SOAT1: variants seen among roughly 807,000 people sequenced by gnomAD.
The protein encoded by SOAT1 is acyl-coenzyme A:cholesterol acyltransferase 1.
SOAT1 carries 55 observed loss-of-function variants against 69.5 expected under a neutral mutation model. The ratio of observed to expected loss-of-function variants is 0.79; its 90% CI spans 0.64 to 0.99. SOAT1 has a LOEUF of 0.99. SOAT1 is among the 50% of genes least tolerant of loss of function. The pLI, the probability that SOAT1 is intolerant of heterozygous loss-of-function variation, is 0.00. For synonymous variants in SOAT1, 231 were observed against 224.7 expected (o/e 1.03, Z -0.25); for missense variants, 580 against 669.3 (o/e 0.87, Z 1.47).
rs936983924 is a variant in SOAT1 at position 179,353,705 on chromosome 1, T to A, written c.*64T>A. On this transcript the variant is annotated 3_prime_UTR_variant, in exon 16 of 16. Coordinates refer to ENST00000367619, the MANE Select transcript of SOAT1 (RefSeq NM_003101.6). ...GGTAGCTCCCTGATTTGGAGCCAGCTGTTTCCAGTTGTTACTGAAGTTATC... is the reference window on the plus strand; with the variant it reads ...GGTAGCTCCCTGATTTGGAGCCAGCAGTTTCCAGTTGTTACTGAAGTTATC... 4 of 1,307,408 alleles carry A rather than the reference T, an allele frequency of 3.1e-6. No individual in the cohort carries two copies. Among genetic ancestry groups the A allele is most frequent in the Admixed American group, 1.7e-5 (1 of 57,374 alleles). The allele number at this position is 1,307,408 out of a possible 1,614,324, so 81.0% of individuals were successfully genotyped here.
chr1:179,354,603 C>G lies in SOAT1; in HGVS notation c.*962C>G, dbSNP rs1044925. 1 of 151,872 alleles carries G rather than the reference C, an allele frequency of 6.6e-6. No individual in the cohort carries two copies. The highest frequency in any genetic ancestry group is 1.5e-5 in the Non-Finnish European group (1 of 67,960). The allele number at this position is 151,872 out of a possible 1,614,324, so 9.4% of individuals were successfully genotyped here. Reference sequence around the variant, plus strand: ...TATTTTGCAGACTAGTGAGTCTGTACCATAAGTATTAATCACCTCCACTCA... The same window carrying G: ...TATTTTGCAGACTAGTGAGTCTGTAGCATAAGTATTAATCACCTCCACTCA... On this transcript the variant is annotated 3_prime_UTR_variant, in exon 16 of 16. Coordinates refer to ENST00000367619, the MANE Select transcript of SOAT1 (RefSeq NM_003101.6).
rs147517008 is a variant in SOAT1, at chr1:179,341,213, T to C, written c.683T>C (p.Met228Thr). ...IRSLFHGFLFMIFQIGVLGFG... is the reference protein window; with the variant it reads ...IRSLFHGFLFTIFQIGVLGFG... The stretch of plus-strand genomic sequence containing the variant: ...TCTCTCTTCCATGGCTTTCTTTTCA[T>C]GATCTTCCAGATTGGAGTTCTAGGT... Residue 228 changes from methionine (M) to threonine (T), a missense_variant, in exon 7 of 16, where the codon ATG (methionine) becomes ACG (threonine). Met to Thr is a moderately conservative substitution (Grantham distance 81). Transcript: ENST00000367619. The C allele has an allele frequency of 4.8e-5, 77 of 1,614,032 alleles. No individual in the cohort carries two copies. In the African/African-American group the frequency reaches 9.9e-4, roughly 21 times the overall value.
chr1:179,353,219 A>ATATAAATATATATATATTTATATATT (rs1666805465), intron 15 of SOAT1, among the ~76,000 whole-genome samples: 4 of 121,332 alleles, frequency 3.3e-5, no homozygotes, highest in South Asian at 2.4e-4. Context: ...ATATATATAT[A>ATATAAATATATATATATTTATATATT]TATATCTATT....
At chr1:179,308,894 T>C (rs1325184415) in intron 2 of SOAT1, among the ~76,000 whole-genome samples, 1 of 152,172 alleles carries the variant, frequency 6.6e-6, no homozygotes, top group Non-Finnish European at 1.5e-5. Flanking sequence ...TCAGATATCT[T>C]TTCATTTAGT....
rs574788070 is a variant in SOAT1, at chr1:179,341,377, T to C, written c.780+67T>C. ...TAAAATAATAATAATGATGATGACATACTGATACTATTATTTTTAGCTGTA... is the reference window on the plus strand; with the variant it reads ...TAAAATAATAATAATGATGATGACACACTGATACTATTATTTTTAGCTGTA... On this transcript the variant is annotated intron_variant, in intron 7 of 15. Transcript: ENST00000367619. 1.9e-5 allele frequency: 26 copies of C among 1,392,600 alleles called. No homozygotes were observed. The African/African-American group carries it at 2.4e-4, about 13-fold the overall frequency. 86.3% of individuals were successfully genotyped at this position (1,392,600 alleles called of 1,614,324 possible).
At chr1:179,306,659 C>T (rs1003222459) in intron 2 of SOAT1, among the ~76,000 whole-genome samples, 2 of 151,786 alleles carry the variant, frequency 1.3e-5, no homozygotes, top group East Asian at 1.9e-4. Context: ...GGTGAAACCC[C>T]GTCTCTACTA....
intron 10 of SOAT1, among the ~76,000 whole-genome samples, chr1:179,344,668 C>T (rs979008493): frequency 6.6e-6 from 1 of 152,108 alleles, no homozygotes; most frequent in African/African-American, 2.4e-5. Context: ...GCCACTGTGC[C>T]CGGCCATGTT....
At chr1:179,343,029 G>A (rs1296221594) in intron 9 of SOAT1, 86 bp downstream of exon 9, 7 of 980,532 alleles carry the variant, frequency 7.1e-6, no homozygotes, top group Non-Finnish European at 1.2e-5. Context: ...GCCAGTTCAT[G>A]TAGGGACATA....
chr1:179,327,147 A>G (rs1460663039), intron 3 of SOAT1, among the ~76,000 whole-genome samples: 5 of 152,220 alleles, frequency 3.3e-5, no homozygotes, highest in African/African-American at 1.2e-4. Flanking sequence ...GTTGTTGCTT[A>G]GCCTTATTGG....
Position 179,318,955 on chromosome 1 carries a change from T to G in SOAT1, c.119-4482T>G, listed in dbSNP as rs1174387998. Among the ~76,000 whole-genome samples, 4 of 152,204 alleles carry G rather than the reference T, an allele frequency of 2.6e-5. No homozygotes were observed. In the East Asian group the frequency reaches 5.8e-4, roughly 22 times the overall value. ...AGAGGGCATGTTTTTATTTCTCTTG[T>G]GTATATACCTAGTCCTAGGTCTTAT... On this transcript the variant is annotated intron_variant, in intron 2 of 15. Coordinates refer to ENST00000367619, the MANE Select transcript of SOAT1 (RefSeq NM_003101.6).
chr1:179,351,720 A>ATT (rs1558061106), intron 15 of SOAT1, among the ~76,000 whole-genome samples: 2 of 43,486 alleles, frequency 4.6e-5, no homozygotes, highest in African/African-American at 1.9e-4. Flanking sequence ...AGCCCCTTCT[A>ATT]ATTTTTTTTT....
intron 1 of SOAT1, among the ~76,000 whole-genome samples, chr1:179,295,805 AT>A (rs55761300): frequency 3.0e-4 from 39 of 130,344 alleles, no homozygotes; most frequent in African/African-American, 5.5e-4. Flanking sequence ...CGCCCGGCTA[AT>A]TTTTTTTTTT....
intron 1 of SOAT1, among the ~76,000 whole-genome samples, chr1:179,301,723 C>T (rs4333817): frequency 6.6e-6 from 1 of 152,176 alleles, no homozygotes; most frequent in Non-Finnish European, 1.5e-5. Context: ...CTTAAAGCAT[C>T]TGGCAGGGTC....
At chr1:179,327,829 A>G (rs1665843007) in intron 3 of SOAT1, among the ~76,000 whole-genome samples, 1 of 152,180 alleles carries the variant, frequency 6.6e-6, no homozygotes. Context: ...AAGTGATAAC[A>G]TGAGTGTGTT....
At chr1:179,351,021 C>CT (rs201449849) in intron 14 of SOAT1, among the ~76,000 whole-genome samples, 18 of 127,578 alleles carry the variant, frequency 1.4e-4, no homozygotes, top group South Asian at 2.5e-4. Context: ...ATATTTCTTT[C>CT]TTTTTTTTTT....
intron 2 of SOAT1, among the ~76,000 whole-genome samples, chr1:179,312,716 C>A (rs1219590150): frequency 6.6e-6 from 1 of 152,146 alleles, no homozygotes; most frequent in Non-Finnish European, 1.5e-5. Flanking sequence ...AAGGTTCTCT[C>A]CCTGGTAGGT....
chr1:179,327,544 A>C (rs2124972047), intron 3 of SOAT1, among the ~76,000 whole-genome samples: 2 of 152,370 alleles, frequency 1.3e-5, no homozygotes, highest in Middle Eastern at 3.4e-3. Flanking sequence ...CAGGTAAAAT[A>C]CAGTACGTCC....
intron 4 of SOAT1, 133 bp from the exon 5 acceptor site, chr1:179,337,703 TA>T: frequency 1.8e-6 from 1 of 562,794 alleles, no homozygotes. Context: ...CGGGCATCTG[TA>T]ATCCTAGTAG....
rs369573235 is a variant in SOAT1, at chr1:179,302,792, A to C, written c.108A>C (p.Thr36=). ...ACCCTGCAAAGGAGTCCCTAGAGACACCTAGTAATGGTGAGGCTTAATTTT... is the reference window on the plus strand; with the variant it reads ...ACCCTGCAAAGGAGTCCCTAGAGACCCCTAGTAATGGTGAGGCTTAATTTT... ...QRNPAKESLE[T]PSNGRIDIKQ... is the part of the protein sequence containing the mutation. Residue 36 remains threonine, a synonymous_variant, in exon 2 of 16, where the codon ACA becomes ACC. Coordinates refer to ENST00000367619, the MANE Select transcript of SOAT1 (RefSeq NM_003101.6). The C allele has an allele frequency of 7.0e-6, 11 of 1,570,922 alleles. No homozygotes were observed. The South Asian group carries it at 9.5e-5, about 14-fold the overall frequency.
Sources: allele counts gnomAD v4.1 joint callset (sites outside exome capture counted in the v4.1 genomes callset), GRCh38; gene constraint gnomAD v4.1.1; transcripts MANE v1.5; gene names NCBI Gene and HGNC (gene_info 2026-07-23, HGNC 2026-07-21).